KLHL36: variants seen among roughly 807,000 people sequenced by gnomAD.
KLHL36 encodes kelch like family member 36.
A neutral mutation model predicts 53.3 loss-of-function variants in KLHL36; 35 were observed. That is an observed-to-expected ratio of 0.66 (90% CI 0.50 to 0.87). The LOEUF (loss-of-function observed/expected upper bound fraction) is 0.87. Ranked by LOEUF, KLHL36 falls within the 40% of genes least tolerant of loss-of-function variation. KLHL36 has a pLI of 0.00. For missense variants in KLHL36, 864 were observed against 897.6 expected (o/e 0.96, Z 0.48); for synonymous variants, 472 against 398.9 (o/e 1.18, Z -2.18).
Position 84,662,665 on chromosome 16 carries a change from T to C in KLHL36, c.*532T>C, listed in dbSNP as rs1907628011. On this transcript the variant is annotated 3_prime_UTR_variant, in exon 5 of 5. Coordinates refer to ENST00000564996, the MANE Select transcript of KLHL36 (RefSeq NM_024731.4). ...TCTGGGTATTAGTCACATCTGGGAA[T>C]CACTGGCAAGGTCCAGTGTGTTTGT... The C allele has an allele frequency of 6.6e-6, 1 of 152,584 alleles. No individual in the cohort carries two copies. The highest frequency in any genetic ancestry group is 2.4e-5 in the African/African-American group (1 of 41,432). The allele number at this position is 152,584 out of a possible 1,614,324, so 9.5% of individuals were successfully genotyped here.
In KLHL36 at chr16:84,666,502, G is replaced by A. The variant is rs1197200370; in HGVS notation, c.*4369G>A. The A allele has an allele frequency of 6.6e-6, 1 of 152,122 alleles. No homozygotes were observed. Among genetic ancestry groups the A allele is most frequent in the Non-Finnish European group, 1.5e-5 (1 of 68,034 alleles). 9.4% of individuals were successfully genotyped at this position (152,122 alleles called of 1,614,324 possible). A position where few individuals can be genotyped will look rare whatever the true frequency, so the allele number is the denominator to read the frequency against. Reference sequence around the variant, plus strand: ...TTTCTTCTAGAGCTCCTACCTCAGTGGTGTGCACAGAGTTGGAGACACCTG... The same window carrying A: ...TTTCTTCTAGAGCTCCTACCTCAGTAGTGTGCACAGAGTTGGAGACACCTG... On this transcript the variant is annotated 3_prime_UTR_variant, in exon 5 of 5. Transcript: ENST00000564996.
chr16:84,651,078 G>A, intron 2 of KLHL36, 148 bp downstream of exon 2: 1 of 641,566 alleles, frequency 1.6e-6, no homozygotes, highest in Admixed American at 3.4e-5. Context: ...AACGGGCAAG[G>A]AGCAGAAATT....
Position 84,657,119 on chromosome 16 carries a change from G to C in KLHL36, c.312G>C (p.Leu104=), listed in dbSNP as rs1384309753. The C allele has an allele frequency of 3.7e-6, 6 of 1,614,104 alleles. No homozygotes were observed. The Admixed American group carries it at 6.7e-5, about 18-fold the overall frequency. The change falls in exon 3 of 5, where the codon CTG becomes CTC. Residue 104 remains leucine (L), a synonymous_variant. Coordinates refer to ENST00000564996, the MANE Select transcript of KLHL36 (RefSeq NM_024731.4). ...YIGLKAVVDF[L]YGGELVLDGG... ...GGCTCAAGGCCGTGGTGGACTTCCT[G>C]TACGGCGGGGAGCTGGTGCTGGATG... is the stretch of plus-strand genomic sequence containing the variant.
chr16:84,658,045 C>G (rs1173725502), intron 3 of KLHL36, 101 bp downstream of exon 3: 50 of 866,054 alleles, frequency 5.8e-5, no homozygotes, highest in Middle Eastern at 3.0e-4. Context: ...TGACAACTAT[C>G]CTGCTTCTGA....
At chr16:84,655,368 C>A (rs1182408101) in intron 2 of KLHL36, among the ~76,000 whole-genome samples, 2 of 152,154 alleles carry the variant, frequency 1.3e-5, no homozygotes, top group Non-Finnish European at 2.9e-5. Flanking sequence ...TAAGAAGCAA[C>A]TTTTAAGAAT....
rs891504469 is a variant in KLHL36, at chr16:84,666,252, C to T, written c.*4119C>T. 6.6e-6 allele frequency: 1 copy of T among 152,218 alleles called. No homozygotes were observed. Among genetic ancestry groups the T allele is most frequent in the Admixed American group, 6.5e-5 (1 of 15,284 alleles). The allele number at this position is 152,218 out of a possible 1,614,324, so 9.4% of individuals were successfully genotyped here. On this transcript the variant is annotated 3_prime_UTR_variant, in exon 5 of 5. Transcript: ENST00000564996. ...CCTGCCGGGGTTTTCCACCTCATCCCTTTCCTCCGGCCCCTTGATTTGTGC... is the reference window on the plus strand; with the variant it reads ...CCTGCCGGGGTTTTCCACCTCATCCTTTTCCTCCGGCCCCTTGATTTGTGC...
At chr16:84,652,590 A>T (rs1247410814) in intron 2 of KLHL36, among the ~76,000 whole-genome samples, 1 of 152,100 alleles carries the variant, frequency 6.6e-6, no homozygotes, top group Non-Finnish European at 1.5e-5. Flanking sequence ...TTTTATTTTT[A>T]AAAAGTGTAC....
At position 84,665,647 on chromosome 16, in the gene KLHL36, A is replaced by G. The variant is rs904140347; in HGVS notation, c.*3514A>G. ...CCCTCACTCATGATAAGGTGACTTCATGGAGACCCAGAAACTCACCCTAAG... is the reference window on the plus strand; with the variant it reads ...CCCTCACTCATGATAAGGTGACTTCGTGGAGACCCAGAAACTCACCCTAAG... On this transcript the variant is annotated 3_prime_UTR_variant, in exon 5 of 5. Coordinates refer to ENST00000564996, the MANE Select transcript of KLHL36 (RefSeq NM_024731.4). 2 of 152,234 alleles carry G rather than the reference A, an allele frequency of 1.3e-5. No individual in the cohort carries two copies. The highest frequency in any genetic ancestry group is 4.8e-5 in the African/African-American group (2 of 41,446). The allele number at this position is 152,234 out of a possible 1,614,324, so 9.4% of individuals were successfully genotyped here. A position where few individuals can be genotyped will look rare whatever the true frequency, so the allele number is the denominator to read the frequency against.
intron 2 of KLHL36, among the ~76,000 whole-genome samples, chr16:84,653,840 C>CAAA (rs67608719): frequency 1.5e-4 from 17 of 111,778 alleles, no homozygotes; most frequent in African/African-American, 5.2e-4. Flanking sequence ...GCTCTGTATC[C>CAAA]AAAAAAAAAA....
Position 84,659,831 on chromosome 16 carries a change from C to T in KLHL36, c.1209C>T (p.Gly403=), listed in dbSNP as rs147889043. The T allele has an allele frequency of 3.0e-5, 48 of 1,614,112 alleles. No individual in the cohort carries two copies. The East Asian group carries it at 3.1e-4, about 10-fold the overall frequency. The stretch of plus-strand genomic sequence containing the variant: ...TCGAAGACATGCTGGTGGCCATCGG[C>T]GGCCGGAATGAGAACGGAGCGCTCT... The part of the protein sequence containing the change: ...ASIEDMLVAI[G]GRNENGALSS... The change falls in exon 4 of 5, where the codon GGC becomes GGT. Residue 403 remains glycine (G), a synonymous_variant. Coordinates refer to ENST00000564996, the MANE Select transcript of KLHL36 (RefSeq NM_024731.4).
chr16:84,649,133 T>A (rs956308428), intron 1 of KLHL36: 1 of 152,298 alleles, frequency 6.6e-6, no homozygotes, highest in East Asian at 1.9e-4. Context: ...TGCGGTCCCA[T>A]GTTTACTGGA....
In KLHL36 at chr16:84,657,476, G is replaced by T. The variant is rs1427358126; in HGVS notation, c.669G>T (p.Glu223Asp). 6.2e-7 allele frequency: 1 copy of T among 1,607,252 alleles called. No individual in the cohort carries two copies. Among genetic ancestry groups the T allele is most frequent in the East Asian group, 2.2e-5 (1 of 44,874 alleles). Residue 223 changes from glutamate (E) to aspartate (D), a missense_variant, in exon 3 of 5, where the codon GAG (glutamate) becomes GAT (aspartate). Transcript: ENST00000564996. ...TGCAGTGGCTGACGCAGCAGCCCGAGCGCGAGGCCCACGCCCGCCAGGTGC... is the reference window on the plus strand; with the variant it reads ...TGCAGTGGCTGACGCAGCAGCCCGATCGCGAGGCCCACGCCCGCCAGGTGC... The part of the protein sequence containing the change: ...AALQWLTQQP[E>D]REAHARQVLE...
At chr16:84,649,454 C>T (rs1906691585) in intron 1 of KLHL36, 1 of 152,274 alleles carries the variant, frequency 6.6e-6, no homozygotes, top group African/African-American at 2.4e-5. Context: ...CCTGGGGCAC[C>T]CGAGCGCCAG....
Position 84,657,239 on chromosome 16 carries a change from C to T in KLHL36, c.432C>T (p.Ser144=), listed in dbSNP as rs757886578. 4.3e-6 allele frequency: 7 copies of T among 1,614,006 alleles called. No individual in the cohort carries two copies. The highest frequency in any genetic ancestry group is 1.3e-5 in the African/African-American group (1 of 74,924). Residue 144 remains serine (S), a synonymous_variant, in exon 3 of 5, where the codon AGC becomes AGT. Coordinates refer to ENST00000564996, the MANE Select transcript of KLHL36 (RefSeq NM_024731.4). The part of the protein sequence containing the change: ...FCCEYLEQEV[S]EDNYLYLQEL... ...GTGAGTACCTGGAGCAGGAGGTGAG[C>T]GAGGACAACTACCTGTACCTGCAGG...
intron 2 of KLHL36, among the ~76,000 whole-genome samples, chr16:84,651,361 G>A (rs563450355): frequency 6.6e-6 from 1 of 152,210 alleles, no homozygotes; most frequent in South Asian, 2.1e-4. Flanking sequence ...GCCTGGAGTC[G>A]TCTTCCCTGG....
At chr16:84,655,992 G>A (rs1482496710) in intron 2 of KLHL36, among the ~76,000 whole-genome samples, 1 of 151,488 alleles carries the variant, frequency 6.6e-6, no homozygotes, top group Non-Finnish European at 1.5e-5. Flanking sequence ...TCCTGGGCTT[G>A]AGCGATCCTC....
rs748373333 is a variant in KLHL36 at position 84,665,815 on chromosome 16, G to A, written c.*3682G>A. 6.6e-6 allele frequency: 1 copy of A among 152,450 alleles called. No individual in the cohort carries two copies. Among genetic ancestry groups the A allele is most frequent in the Non-Finnish European group, 1.5e-5 (1 of 68,220 alleles). The allele number at this position is 152,450 out of a possible 1,614,324, so 9.4% of individuals were successfully genotyped here. On this transcript the variant is annotated 3_prime_UTR_variant, in exon 5 of 5. Transcript: ENST00000564996. ...GGCCCCTAAGCCAAGTGATCGTTCA[G>A]TGACTTGCAGCAATGTGGGAAGTGA...
Position 84,657,011 on chromosome 16 carries a change from C to T in KLHL36, c.204C>T (p.Ser68=), listed in dbSNP as rs745807679. The T allele has an allele frequency of 2.8e-5, 45 of 1,614,072 alleles. No individual in the cohort carries two copies. The highest frequency in any genetic ancestry group is 6.7e-5 in the Admixed American group (4 of 60,028). The change falls in exon 3 of 5, where the codon AGC becomes AGT. Residue 68 remains serine (S), a synonymous_variant. Transcript: ENST00000564996. ...ATCGCAACCTGCTGGCCGTGTGCAG[C>T]GACTACTTCAACTCCATGTTCACCA... The part of the protein sequence containing the change: ...PAHRNLLAVC[S]DYFNSMFTIG...
intron 4 of KLHL36, 56 bp downstream of exon 4, chr16:84,659,973 T>G (rs1907452507): frequency 2.6e-6 from 4 of 1,525,008 alleles, no homozygotes; most frequent in African/African-American, 2.7e-5. Context: ...AGGGACATAG[T>G]TCAGTCCACG....
Sources: allele counts gnomAD v4.1 joint callset (sites outside exome capture counted in the v4.1 genomes callset), GRCh38; gene constraint gnomAD v4.1.1; transcripts MANE v1.5; gene names NCBI Gene and HGNC (gene_info 2026-07-23, HGNC 2026-07-21).